Variants in GMEB2 observed in about 807,000 individuals in gnomAD.
GMEB2 encodes the protein glucocorticoid modulatory element binding protein 2.
In GMEB2, 7 loss-of-function variants were observed where a neutral mutation model predicts 45.7. That is an observed-to-expected ratio of 0.15 (90% CI 0.09 to 0.29). GMEB2 has a LOEUF of 0.29. GMEB2 is among the 10% of genes least tolerant of loss of function. The pLI is 1.00. For missense variants in GMEB2, 582 were observed against 739.2 expected (o/e 0.79, Z 2.47); for synonymous variants, 322 against 323.6 (o/e 1.00, Z 0.05).
At chr20:63,594,300 G>T (rs1174101648) in intron 6 of GMEB2, among the ~76,000 whole-genome samples, 1 of 152,238 alleles carries the variant, frequency 6.6e-6, no homozygotes, top group Non-Finnish European at 1.5e-5. Context: ...TGACTACAGG[G>T]CGTGGAAGGC....
intron 3 of GMEB2, among the ~76,000 whole-genome samples, chr20:63,603,915 A>T (rs1160799125): frequency 3.3e-5 from 5 of 151,922 alleles, no homozygotes; most frequent in Non-Finnish European, 7.4e-5. Flanking sequence ...TTAGCTGGGC[A>T]TGGTGGCATG....
intron 3 of GMEB2, among the ~76,000 whole-genome samples, chr20:63,604,047 C>T (rs1438740264): frequency 1.7e-5 from 2 of 118,536 alleles, no homozygotes; most frequent in Non-Finnish European, 3.7e-5. Flanking sequence ...GAGTGAGACT[C>T]CGTCTCAAAA....
Position 63,589,955 on chromosome 20 carries a change from G to A in GMEB2, c.*134C>T, listed in dbSNP as rs1189774537. 1.6e-6 allele frequency: 1 copy of A among 631,682 alleles called. No homozygotes were observed. The highest frequency in any genetic ancestry group is 2.5e-6 in the Non-Finnish European group (1 of 401,936). 39.1% of individuals were successfully genotyped at this position (631,682 alleles called of 1,614,324 possible). A position where few individuals can be genotyped will look rare whatever the true frequency, so the allele number is the denominator to read the frequency against. Reference sequence around the variant, plus strand: ...CTCTCTTCTCGTGATTTGTTTTGGCGATTCCTCTCTTTGGTTCTGCAGACC... The same window carrying A: ...CTCTCTTCTCGTGATTTGTTTTGGCAATTCCTCTCTTTGGTTCTGCAGACC... On this transcript the variant is annotated 3_prime_UTR_variant, in exon 10 of 10. Coordinates refer to ENST00000370077, the MANE Select transcript of GMEB2 (RefSeq NM_012384.5).
intron 1 of GMEB2, among the ~76,000 whole-genome samples, chr20:63,625,851 C>T (rs1383275723): frequency 1.3e-5 from 2 of 152,206 alleles, no homozygotes; most frequent in Non-Finnish European, 2.9e-5. Flanking sequence ...CCACGTCGGG[C>T]TCCCAAAGTG....
intron 6 of GMEB2, among the ~76,000 whole-genome samples, chr20:63,595,266 G>A (rs967212397): frequency 2.6e-5 from 4 of 151,410 alleles, no homozygotes; most frequent in Non-Finnish European, 5.9e-5. Context: ...TCCAGATTTG[G>A]GGCTGGGCCG....
intron 1 of GMEB2, among the ~76,000 whole-genome samples, chr20:63,620,993 C>G (rs910427916): frequency 6.6e-6 from 1 of 152,076 alleles, no homozygotes; most frequent in Non-Finnish European, 1.5e-5. Context: ...GAAAGAAAAT[C>G]TTGGTATAGA....
At chr20:63,606,172 G>A (rs2089517454) in intron 2 of GMEB2, among the ~76,000 whole-genome samples, 1 of 151,826 alleles carries the variant, frequency 6.6e-6, no homozygotes, top group African/African-American at 2.4e-5. Context: ...TAGACAAAAG[G>A]GTAAAAGATG....
rs1387203457 is a variant in GMEB2 at position 63,619,068 on chromosome 20, T to C, written c.131+199A>G. On this transcript the variant is annotated intron_variant, in intron 2 of 9. Transcript: ENST00000370077. This position sits in a 1 kb window ranked among gnomAD's most constrained non-coding sequence, Gnocchi z 4.6. ...CAGGTACGGGAGGCCTCCCCGCAGC[T>C]GCAGCTGGGTCTTCTGGTCCCCGTG... 6.6e-6 allele frequency among the ~76,000 whole-genome samples: 1 copy of C among 152,226 alleles called. No homozygotes were observed. The highest frequency in any genetic ancestry group is 1.5e-5 in the Non-Finnish European group (1 of 68,038).
intron 1 of GMEB2, among the ~76,000 whole-genome samples, chr20:63,622,328 G>A (rs2738760): frequency 0.082 from 12,470 of 152,194 alleles, 674 homozygotes; most frequent in African/African-American, 0.15. Context: ...ACTCACTAAG[G>A]GGAGGCACTC....
At chr20:63,594,646 G>T (rs757556977) in intron 6 of GMEB2, among the ~76,000 whole-genome samples, 2 of 152,232 alleles carry the variant, frequency 1.3e-5, no homozygotes, top group South Asian at 2.1e-4. Context: ...CCAGCAATGC[G>T]GAGTGGCAGC....
rs1555895482 is a variant in GMEB2 at position 63,626,230 on chromosome 20, A to ATCCCTGTGGGGTGG, written c.-58+725_-58+726insCCACCCCACAGGGA. On this transcript the variant is annotated intron_variant, in intron 1 of 9. Coordinates refer to ENST00000370077, the MANE Select transcript of GMEB2 (RefSeq NM_012384.5). ...CCTGAGAGTGGGTCCCAGTGGGGTG[A>ATCCCTGTGGGGTGG]TCCCTGCGGGTCGCGTCCCTGCGAG... Among the ~76,000 whole-genome samples the ATCCCTGTGGGGTGG allele has an allele frequency of 4.2e-4, 62 of 146,882 alleles. 1 individual carries two copies. The highest frequency in any genetic ancestry group is 1.5e-3 in the African/African-American group (60 of 39,650).
At chr20:63,602,883 C>A in intron 4 of GMEB2, 82 bp downstream of exon 4, 1 of 1,277,034 alleles carries the variant, frequency 7.8e-7, no homozygotes, top group Non-Finnish European at 1.1e-6. Flanking sequence ...CCTCAGGATG[C>A]ACTCAGCACA....
At chr20:63,603,699 G>A (rs6122488) in intron 3 of GMEB2, among the ~76,000 whole-genome samples, 76,564 of 151,408 alleles carry the variant, frequency 0.51, 20,459 homozygotes, top group Middle Eastern at 0.66. Flanking sequence ...TCGAGATCGC[G>A]CCACCGCACT....
intron 2 of GMEB2, among the ~76,000 whole-genome samples, chr20:63,617,418 G>A (rs1290195448): frequency 6.6e-6 from 1 of 152,178 alleles, no homozygotes; most frequent in African/African-American, 2.4e-5. Flanking sequence ...CCTGATCTTG[G>A]ACTTCAGCCT....
chr20:63,595,628 T>C lies in GMEB2; in HGVS notation c.601A>G (p.Thr201Ala). Residue 201 changes from threonine (T) to alanine (A), a missense_variant, in exon 6 of 10, where the codon ACG becomes GCG. Thr to Ala is a moderately conservative substitution (Grantham distance 58). Coordinates refer to ENST00000370077, the MANE Select transcript of GMEB2 (RefSeq NM_012384.5). ...SPTSAEYIPL[T>A]PAAADVNGSP... ...CACCTACCGTCGGCTGCGGCGGGCGTGAGGGGAATGTACTCGGCCGACGTG... is the reference window on the plus strand; with the variant it reads ...CACCTACCGTCGGCTGCGGCGGGCGCGAGGGGAATGTACTCGGCCGACGTG... The C allele has an allele frequency of 1.2e-6, 2 of 1,608,526 alleles. No homozygotes were observed. Among genetic ancestry groups the C allele is most frequent in the Non-Finnish European group, 1.7e-6 (2 of 1,178,024 alleles).
chr20:63,622,066 C>A (rs568854402), intron 1 of GMEB2, among the ~76,000 whole-genome samples: 1 of 151,148 alleles, frequency 6.6e-6, no homozygotes, highest in South Asian at 2.1e-4. Flanking sequence ...GAGGTCAAGG[C>A]TGCAGTGAGC....
intron 9 of GMEB2, among the ~76,000 whole-genome samples, chr20:63,591,034 C>A (rs999889891): frequency 1.3e-5 from 2 of 152,126 alleles, no homozygotes; most frequent in African/African-American, 4.8e-5. Flanking sequence ...TGACCCAGGG[C>A]CTGCGTGCAA....
Position 63,592,201 on chromosome 20 carries a change from C to T in GMEB2, c.830-57G>A, listed in dbSNP as rs559901763. 14 of 1,555,850 alleles carry T rather than the reference C, an allele frequency of 9.0e-6. No individual in the cohort carries two copies. Among genetic ancestry groups the T allele is most frequent in the East Asian group, 4.5e-5 (2 of 44,020 alleles). On this transcript the variant is annotated intron_variant, in intron 8 of 9. Transcript: ENST00000370077. This position sits in a 1 kb window ranked among gnomAD's most constrained non-coding sequence, Gnocchi z 8.2. ...CCCAAGCCCTTCCTAGAGAGCCACG[C>T]GGACGCTCGGTGAGAGCCCGGGACC...
chr20:63,616,432 G>A (rs1327821184), intron 2 of GMEB2, among the ~76,000 whole-genome samples: 5 of 152,128 alleles, frequency 3.3e-5, no homozygotes, highest in African/African-American at 7.2e-5. Flanking sequence ...CAACAAGAGC[G>A]AGACTCCAAC....
Sources: allele counts gnomAD v4.1 joint callset (sites outside exome capture counted in the v4.1 genomes callset), GRCh38; gene constraint gnomAD v4.1.1; non-coding constraint Gnocchi (gnomAD v3.1); transcripts MANE v1.5; gene names NCBI Gene and HGNC (gene_info 2026-07-23, HGNC 2026-07-21).